The following SCN9A variants were observed in gnomAD, a reference collection of about 807,000 sequenced individuals.
SCN9A encodes the protein sodium voltage-gated channel alpha subunit 9, also known as sodium channel protein type 9 subunit alpha.
In SCN9A, 131 loss-of-function variants were observed where a neutral mutation model predicts 187.0. The ratio of observed to expected loss-of-function variants is 0.70; its 90% CI spans 0.61 to 0.81. The LOEUF (loss-of-function observed/expected upper bound fraction) is 0.81, where lower values mean the gene tolerates loss of function less well. Ranked by LOEUF, SCN9A falls within the 30% of genes least tolerant of loss-of-function variation. The probability of loss-of-function intolerance (pLI) is 0.00; values close to 1 mark genes in which losing one functional copy is unlikely to be tolerated. For synonymous variants in SCN9A, 809 were observed against 808.6 expected (o/e 1.00, Z -0.01); for missense variants, 2,252 against 2,396.6 (o/e 0.94, Z 1.26).
intron 1 of SCN9A, among the ~76,000 whole-genome samples, chr2:166,347,818 A>G (rs1315350044): frequency 6.6e-6 from 1 of 152,212 alleles, no homozygotes; most frequent in African/African-American, 2.4e-5. Flanking sequence ...TTTAAAGTTC[A>G]TGCCACAGAA....
intron 7 of SCN9A, chr2:166,300,793 A>G (rs1285796391): frequency 6.6e-6 from 1 of 151,064 alleles, no homozygotes. Flanking sequence ...ACAGATTTGG[A>G]AGACAGGATT....
chr2:166,238,610 A>G (rs1695424421), intron 19 of SCN9A, among the ~76,000 whole-genome samples: 1 of 152,202 alleles, frequency 6.6e-6, no homozygotes, highest in Non-Finnish European at 1.5e-5. Flanking sequence ...AATTTAAGAC[A>G]TGATCCCATG....
At chr2:166,281,016 A>C (rs562028088) in intron 13 of SCN9A, among the ~76,000 whole-genome samples, 1 of 152,224 alleles carries the variant, frequency 6.6e-6, no homozygotes, top group Non-Finnish European at 1.5e-5. Flanking sequence ...GTAATAGTTC[A>C]CAGGTGAAAA....
In SCN9A at chr2:166,199,033, G is replaced by C; in HGVS notation, c.5606C>G (p.Ser1869Cys). The change falls in exon 27 of 27, where the codon TCT (serine) becomes TGT (cysteine). Residue 1869 changes from serine (S) to cysteine (C), a missense_variant. Ser to Cys is a moderately radical substitution (Grantham distance 112). This residue lies in a region of SCN9A where 345 missense variants were observed against 344.6 expected (regional missense o/e 1.00). Coordinates refer to ENST00000642356, the MANE Select transcript of SCN9A (RefSeq NM_001365536.1). ...LRSQMEERFM[S>C]ANPSKVSYEP... ...ATAGGACACTTTGGAAGGATTTGCAGACATGAACCTTTCTTCCATCTGTGA... is the reference window on the plus strand; with the variant it reads ...ATAGGACACTTTGGAAGGATTTGCACACATGAACCTTTCTTCCATCTGTGA... 6.2e-7 allele frequency: 1 copy of C among 1,614,172 alleles called. No homozygotes were observed. The highest frequency in any genetic ancestry group is 2.2e-5 in the East Asian group (1 of 44,878).
chr2:166,264,200 T>A (rs1324381346), intron 17 of SCN9A, among the ~76,000 whole-genome samples: 1 of 151,994 alleles, frequency 6.6e-6, no homozygotes, highest in Non-Finnish European at 1.5e-5. Flanking sequence ...CATAGTAAGG[T>A]GTAATAAATA....
At chr2:166,265,730 CT>C (rs754970840) in intron 17 of SCN9A, among the ~76,000 whole-genome samples, 2 of 151,674 alleles carry the variant, frequency 1.3e-5, no homozygotes, top group Non-Finnish European at 2.9e-5. Flanking sequence ...ACACTTATAT[CT>C]TTTGATTTTT....
At chr2:166,248,818 C>G (rs1695907614) in intron 18 of SCN9A, among the ~76,000 whole-genome samples, 1 of 151,964 alleles carries the variant, frequency 6.6e-6, no homozygotes, top group Non-Finnish European at 1.5e-5. Context: ...AGGCATGTAT[C>G]ACCAAGATCA....
chr2:166,201,041 T>G (rs912286256), intron 26 of SCN9A, among the ~76,000 whole-genome samples: 3 of 152,092 alleles, frequency 2.0e-5, no homozygotes. Context: ...TAACCACAAA[T>G]TGAAGACTAG....
intron 18 of SCN9A, among the ~76,000 whole-genome samples, chr2:166,243,204 T>C (rs1463977229): frequency 6.6e-6 from 1 of 152,068 alleles, no homozygotes; most frequent in African/African-American, 2.4e-5. Flanking sequence ...AAAACAAATG[T>C]GACTTTAAAT....
intron 18 of SCN9A, 93 bp downstream of exon 18, chr2:166,251,672 C>T: frequency 7.2e-7 from 1 of 1,381,062 alleles, no homozygotes; most frequent in East Asian, 2.3e-5. Context: ...AGTCTTCTGA[C>T]TTACCGACAA....
chr2:166,312,895 G>A (rs1224424394), intron 1 of SCN9A, among the ~76,000 whole-genome samples: 1 of 150,750 alleles, frequency 6.6e-6, no homozygotes, highest in East Asian at 1.9e-4. Context: ...CAGACGTGCT[G>A]TCATCCAGGC....
At chr2:166,364,755 G>A (rs565254553) in intron 1 of SCN9A, among the ~76,000 whole-genome samples, 4 of 152,232 alleles carry the variant, frequency 2.6e-5, no homozygotes, top group African/African-American at 9.6e-5. Flanking sequence ...GATGGATGGT[G>A]GTGATCGTGT....
intron 21 of SCN9A, among the ~76,000 whole-genome samples, chr2:166,231,965 T>G (rs1366723927): frequency 2.0e-5 from 3 of 152,120 alleles, no homozygotes; most frequent in African/African-American, 7.2e-5. Context: ...ATTTTAGGTG[T>G]CTGAACAGAG....
chr2:166,210,676 T>G (rs1395391749), intron 24 of SCN9A, among the ~76,000 whole-genome samples: 1 of 152,030 alleles, frequency 6.6e-6, no homozygotes, highest in Non-Finnish European at 1.5e-5. Flanking sequence ...GTAAAAATAT[T>G]TTTTAAATGA....
At chr2:166,337,719 G>C (rs1244285079) in intron 1 of SCN9A, among the ~76,000 whole-genome samples, 1 of 152,068 alleles carries the variant, frequency 6.6e-6, no homozygotes, top group Non-Finnish European at 1.5e-5. Context: ...TGCAAGCCAG[G>C]CTACCTTCTT....
chr2:166,210,478 A>G (rs1694033894), intron 24 of SCN9A, among the ~76,000 whole-genome samples: 1 of 150,242 alleles, frequency 6.7e-6, no homozygotes, highest in Non-Finnish European at 1.5e-5. Flanking sequence ...AAAAATAAAA[A>G]AATAAAAAAT....
chr2:166,240,484 G>C (rs1334595001), intron 19 of SCN9A, among the ~76,000 whole-genome samples: 2 of 152,026 alleles, frequency 1.3e-5, no homozygotes, highest in Non-Finnish European at 2.9e-5. Context: ...GTCTTCCTCT[G>C]TTTTAGACAT....
At chr2:166,365,355 G>A (rs533571445) in intron 1 of SCN9A, among the ~76,000 whole-genome samples, 1 of 152,058 alleles carries the variant, frequency 6.6e-6, no homozygotes, top group East Asian at 1.9e-4. Flanking sequence ...ATAGAAATTA[G>A]AAACTTCTCA....
rs113311364 is a variant in SCN9A, at chr2:166,333,575, A to G, written c.-50-21769T>C. Among the ~76,000 whole-genome samples, 1,400 of 152,198 alleles carry G rather than the reference A, an allele frequency of 9.2e-3. 32 individuals are homozygous for G. The highest frequency in any genetic ancestry group is 0.031 in the African/African-American group (1,272 of 41,576). On this transcript the variant is annotated intron_variant, in intron 1 of 26. Transcript: ENST00000642356. ...GGACTTCTGAACATGTATTGACTTA[A>G]AGTTAACTCTGGGACTTACTCTTTT...
Sources: gnomAD v4.1 joint callset for allele counts (sites outside exome capture counted in the v4.1 genomes callset) on GRCh38, gnomAD v4.1.1 for gene constraint, gnomAD v4.1.1 regional missense constraint, MANE v1.5 for transcripts, NCBI Gene and HGNC (gene_info 2026-07-23, HGNC 2026-07-21) for gene names.